SPOCK3: variants seen among roughly 807,000 people sequenced by gnomAD.
SPOCK3 encodes SPARC (osteonectin), cwcv and kazal like domains proteoglycan 3, also known as testican-3.
SPOCK3 carries 30 observed loss-of-function variants against 56.6 expected under a neutral mutation model. The observed-to-expected ratio is 0.53, with a 90% CI of 0.40 to 0.72. The LOEUF (loss-of-function observed/expected upper bound fraction) is 0.72. SPOCK3 is among the 30% of genes least tolerant of loss of function. The pLI, the probability that SPOCK3 is intolerant of heterozygous loss-of-function variation, is 0.00. For synonymous variants in SPOCK3, 196 were observed against 183.3 expected, an observed-to-expected ratio of 1.07 and a Z score of -0.56; for missense variants, 527 against 530.0, an observed-to-expected ratio of 0.99 and a Z score of 0.06.
chr4:166,848,141 C>A (rs1446570002), intron 6 of SPOCK3, among the ~76,000 whole-genome samples: 1 of 152,126 alleles, frequency 6.6e-6, no homozygotes, highest in African/African-American at 2.4e-5. Flanking sequence ...ATTATAGCTA[C>A]CATAATAATT....
At chr4:167,036,623 G>T (rs914200141) in intron 3 of SPOCK3, among the ~76,000 whole-genome samples, 1 of 151,970 alleles carries the variant, frequency 6.6e-6, no homozygotes, top group Non-Finnish European at 1.5e-5. Context: ...ATTTTTTAAC[G>T]GAATAGTCTA....
At chr4:167,162,021 C>A (rs1419125579) in intron 2 of SPOCK3, among the ~76,000 whole-genome samples, 1 of 151,842 alleles carries the variant, frequency 6.6e-6, no homozygotes, top group Non-Finnish European at 1.5e-5. Flanking sequence ...GCACATGTAC[C>A]CTAAAACTTA....
intron 4 of SPOCK3, among the ~76,000 whole-genome samples, chr4:166,921,073 A>G (rs1579652968): frequency 6.6e-6 from 1 of 152,274 alleles, no homozygotes; most frequent in East Asian, 1.9e-4. Flanking sequence ...GAAGAAAGAA[A>G]CTACCATGTT....
intron 6 of SPOCK3, among the ~76,000 whole-genome samples, chr4:166,810,891 TA>T (rs1361861029): frequency 6.6e-6 from 1 of 152,010 alleles, no homozygotes; most frequent in Non-Finnish European, 1.5e-5. Context: ...CCTAGGTTTT[TA>T]TTTGTAGAAA....
intron 3 of SPOCK3, among the ~76,000 whole-genome samples, chr4:167,021,304 T>C (rs1318893714): frequency 6.6e-6 from 1 of 152,050 alleles, no homozygotes; most frequent in Non-Finnish European, 1.5e-5. Flanking sequence ...TCTTATACAC[T>C]TCAGAAATTT....
At chr4:166,745,340 TC>T (rs1319034701) in intron 8 of SPOCK3, among the ~76,000 whole-genome samples, 1 of 152,180 alleles carries the variant, frequency 6.6e-6, no homozygotes, top group African/African-American at 2.4e-5. Flanking sequence ...TATTCAACAT[TC>T]TTAAAGAAAA....
chr4:166,781,594 A>G (rs2126617063), intron 7 of SPOCK3, among the ~76,000 whole-genome samples: 1 of 152,296 alleles, frequency 6.6e-6, no homozygotes, highest in South Asian at 2.1e-4. Flanking sequence ...GGGTCGAAGA[A>G]TATTTCAATG....
At chr4:167,114,002 C>G (rs1476444447) in intron 2 of SPOCK3, among the ~76,000 whole-genome samples, 2 of 151,506 alleles carry the variant, frequency 1.3e-5, no homozygotes. Context: ...AAACAGCCAG[C>G]TGAAAATCAC....
At chr4:167,116,278 A>C (rs1459723539) in intron 2 of SPOCK3, among the ~76,000 whole-genome samples, 1 of 151,552 alleles carries the variant, frequency 6.6e-6, no homozygotes, top group Non-Finnish European at 1.5e-5. Flanking sequence ...AAACATAATA[A>C]GTGTAGCTCC....
chr4:166,989,061 C>G (rs1430159988), intron 4 of SPOCK3, among the ~76,000 whole-genome samples: 1 of 151,916 alleles, frequency 6.6e-6, no homozygotes, highest in African/African-American at 2.4e-5. Flanking sequence ...AGGAAAGAAA[C>G]CTACGAAAAT....
At chr4:167,057,067 A>C (rs1324754733) in intron 3 of SPOCK3, among the ~76,000 whole-genome samples, 2 of 152,240 alleles carry the variant, frequency 1.3e-5, no homozygotes, top group African/African-American at 4.8e-5. Context: ...AGGGAAGCCC[A>C]TCAGACTAAC....
At chr4:166,911,745 C>G (rs553660215) in intron 5 of SPOCK3, among the ~76,000 whole-genome samples, 31 of 152,022 alleles carry the variant, frequency 2.0e-4, no homozygotes, top group African/African-American at 7.5e-4. Flanking sequence ...ACCATGTTGG[C>G]CAGGCTGGTC....
At chr4:167,208,146 G>A (rs1734530934) in intron 2 of SPOCK3, among the ~76,000 whole-genome samples, 1 of 151,852 alleles carries the variant, frequency 6.6e-6, no homozygotes, top group Non-Finnish European at 1.5e-5. Flanking sequence ...TTTTCCAACT[G>A]AAAAGATGAA....
intron 4 of SPOCK3, among the ~76,000 whole-genome samples, chr4:166,952,189 G>T (rs1742733889): frequency 6.6e-6 from 1 of 152,094 alleles, no homozygotes; most frequent in African/African-American, 2.4e-5. Context: ...AATCCCCATT[G>T]TCTCAGCCCA....
At position 167,205,242 on chromosome 4, in the gene SPOCK3, TTATATATTATATATATTTTATATCTATAA is replaced by T. The variant is rs1217893824; in HGVS notation, c.189+28714_189+28742del. Among the ~76,000 whole-genome samples, 588 of 83,034 alleles carry T rather than the reference TTATATATTATATATATTTTATATCTATAA, an allele frequency of 7.1e-3. 6 individuals are homozygous for T. The highest frequency in any genetic ancestry group is 0.011 in the Non-Finnish European group (491 of 45,940). The allele number at this position is 83,034 out of a possible 152,430, so 54.5% of individuals were successfully genotyped here. A position where few individuals can be genotyped will look rare whatever the true frequency, so the allele number is the denominator to read the frequency against. On this transcript the variant is annotated intron_variant, in intron 2 of 10. Transcript: ENST00000357545. Reference sequence around the variant, plus strand: ...ATATATTTTATATCTATAATACATATTATATATTATATATATTTTATATCTATAATATATATTATATATATTTTATATCT... The same window carrying T: ...ATATATTTTATATCTATAATACATATTATATATTATATATATTTTATATCT...
chr4:167,219,029 T>C (rs1735638654), intron 2 of SPOCK3, among the ~76,000 whole-genome samples: 1 of 152,070 alleles, frequency 6.6e-6, no homozygotes, highest in South Asian at 2.1e-4. Flanking sequence ...ACATCTCAAC[T>C]CCAAAAAAAT....
At chr4:166,819,401 G>A (rs907303675) in intron 6 of SPOCK3, among the ~76,000 whole-genome samples, 2 of 151,884 alleles carry the variant, frequency 1.3e-5, no homozygotes, top group Non-Finnish European at 2.9e-5. Context: ...ATAAACGTAA[G>A]GTATCAGGAT....
intron 5 of SPOCK3, among the ~76,000 whole-genome samples, chr4:166,891,639 C>T (rs895661218): frequency 6.6e-6 from 1 of 151,724 alleles, no homozygotes; most frequent in Non-Finnish European, 1.5e-5. Context: ...TTTAAAAGTC[C>T]AAAATCTATT....
chr4:167,024,253 G>A (rs1027270446), intron 3 of SPOCK3, among the ~76,000 whole-genome samples: 8 of 151,830 alleles, frequency 5.3e-5, no homozygotes, highest in African/African-American at 1.2e-4. Flanking sequence ...TTTCCCTGAC[G>A]TTTTCCAGCT....
Sources: gnomAD v4.1 joint callset for allele counts (sites outside exome capture counted in the v4.1 genomes callset) on GRCh38, gnomAD v4.1.1 for gene constraint, MANE v1.5 for transcripts, NCBI Gene and HGNC (gene_info 2026-07-23, HGNC 2026-07-21) for gene names.